EPHA10: variants seen among roughly 807,000 people sequenced by gnomAD.
EPHA10 encodes the protein EPH receptor A10.
Under a neutral mutation model 109.7 loss-of-function variants are expected in EPHA10, and 120 were observed. The ratio of observed to expected loss-of-function variants is 1.09; its 90% CI spans 0.94 to 1.27. The LOEUF (loss-of-function observed/expected upper bound fraction) is 1.27. Ranked by LOEUF, EPHA10 falls within the 50% of genes most tolerant of loss-of-function variation. The probability of loss-of-function intolerance (pLI) is 0.00; values close to 1 mark genes in which losing one functional copy is unlikely to be tolerated. For synonymous variants in EPHA10, 640 were observed against 618.9 expected, an observed-to-expected ratio of 1.03 and a Z score of -0.51; for missense variants, 1,396 against 1,411.1, an observed-to-expected ratio of 0.99 and a Z score of 0.17.
intron 11 of EPHA10, 24 bp from the exon 12 acceptor site, chr1:37,720,868 C>G (rs1645781444): frequency 6.8e-6 from 11 of 1,613,386 alleles, no homozygotes; most frequent in Non-Finnish European, 8.5e-6. Flanking sequence ...TGGGAACACA[C>G]ATGCTAAGTT....
chr1:37,728,201 C>A (rs746068705), intron 7 of EPHA10, among the ~76,000 whole-genome samples: 1 of 152,136 alleles, frequency 6.6e-6, no homozygotes, highest in Non-Finnish European at 1.5e-5. Context: ...GGGAAACAGA[C>A]TGCATGAAGG....
chr1:37,723,936 CCGG>C (rs1645845306), intron 8 of EPHA10, among the ~76,000 whole-genome samples: 1 of 152,244 alleles, frequency 6.6e-6, no homozygotes, highest in Admixed American at 6.5e-5. Flanking sequence ...AAGCCACAGG[CCGG>C]TACTTGGGGC....
chr1:37,762,842 G>A lies in EPHA10; in HGVS notation c.114C>T (p.Leu38=), dbSNP rs1482950314. 1.3e-6 allele frequency: 2 copies of A among 1,552,472 alleles called. No homozygotes were observed. Among genetic ancestry groups the A allele is most frequent in the Non-Finnish European group, 1.7e-6 (2 of 1,147,310 alleles). ...WRPGTAEEVI[L]LDSKASQAEL... ...CGGCCTGGGAGGCTTTGGAATCCAG[G>A]AGGATAACTAAGGAGAGGGGAAGAC... Residue 38 remains leucine, a synonymous_variant, in exon 2 of 17, where the codon CTC becomes CTT. Transcript: ENST00000373048.
Position 37,721,683 on chromosome 1 carries a change from C to T in EPHA10, c.2123G>A (p.Arg708Gln), listed in dbSNP as rs765090396. Residue 708 changes from arginine (R) to glutamine (Q), a missense_variant, in exon 11 of 17, where the codon CGG becomes CAG. Arg to Gln is a conservative substitution (Grantham distance 43). Coordinates refer to ENST00000373048, the MANE Select transcript of EPHA10 (RefSeq NM_001099439.2). Reference sequence around the variant, plus strand: ...ACCTCGGGTAACAACGCCCTCCAGCCGCACGATGTGGCTATGGTCAAACTG... The same window carrying T: ...ACCTCGGGTAACAACGCCCTCCAGCTGCACGATGTGGCTATGGTCAAACTG... ...LGQFDHSHIVRLEGVVTRGST... is the reference protein window; with the variant it reads ...LGQFDHSHIVQLEGVVTRGST... 5.6e-6 allele frequency: 9 copies of T among 1,608,902 alleles called. No homozygotes were observed. The highest frequency in any genetic ancestry group is 6.8e-6 in the Non-Finnish European group (8 of 1,178,024).
In EPHA10 at chr1:37,716,668, C is replaced by A; in HGVS notation, c.*1704G>T. ...CTGGGTGCTCTGCAAAGAGGCACTG[C>A]ACCTTCCCGCCTCTGGGCTCTTTCT... On this transcript the variant is annotated 3_prime_UTR_variant, in exon 17 of 17. Coordinates refer to ENST00000373048, the MANE Select transcript of EPHA10 (RefSeq NM_001099439.2). 4.3e-6 allele frequency: 1 copy of A among 232,760 alleles called. No homozygotes were observed. Among genetic ancestry groups the A allele is most frequent in the Non-Finnish European group, 8.5e-6 (1 of 117,790 alleles). The allele number at this position is 232,760 out of a possible 1,614,324, so 14.4% of individuals were successfully genotyped here.
Position 37,716,015 on chromosome 1 carries a change from G to A in EPHA10, c.*2357C>T. ...TTATTATCCTGCATAGAGAACCCAAGAAATATAAAAACATCTCCAGAAGGA... is the reference window on the plus strand; with the variant it reads ...TTATTATCCTGCATAGAGAACCCAAAAAATATAAAAACATCTCCAGAAGGA... On this transcript the variant is annotated 3_prime_UTR_variant, in exon 17 of 17. Coordinates refer to ENST00000373048, the MANE Select transcript of EPHA10 (RefSeq NM_001099439.2). The A allele has an allele frequency of 1.7e-6, 1 of 581,658 alleles. No individual in the cohort carries two copies. The highest frequency in any genetic ancestry group is 1.4e-5 in the South Asian group (1 of 69,374). The allele number at this position is 581,658 out of a possible 1,614,324, so 36.0% of individuals were successfully genotyped here.
In EPHA10 at chr1:37,754,330, G is replaced by A; in HGVS notation, c.891C>T (p.Pro297=). The A allele has an allele frequency of 7.6e-7, 1 of 1,312,344 alleles. No individual in the cohort carries two copies. Among genetic ancestry groups the A allele is most frequent in the Non-Finnish European group, 9.8e-7 (1 of 1,024,734 alleles). 81.3% of individuals were successfully genotyped at this position (1,312,344 alleles called of 1,614,324 possible). A position where few individuals can be genotyped will look rare whatever the true frequency, so the allele number is the denominator to read the frequency against. The part of the protein sequence containing the change: ...PGFYKVSPRR[P]LCSPCPEHSR... ...TGTGCTCTGGGCACGGTGAGCAGAGGGGCCGCCGCGGGGACACCTTGTAAA... is the reference window on the plus strand; with the variant it reads ...TGTGCTCTGGGCACGGTGAGCAGAGAGGCCGCCGCGGGGACACCTTGTAAA... The change falls in exon 4 of 17, where the codon CCC becomes CCT. Residue 297 remains proline (P), a synonymous_variant. Coordinates refer to ENST00000373048, the MANE Select transcript of EPHA10 (RefSeq NM_001099439.2). This position sits in a 1 kb window ranked among gnomAD's most constrained non-coding sequence, Gnocchi z 4.5.
At chr1:37,757,850 G>A (rs1452396412) in intron 3 of EPHA10, among the ~76,000 whole-genome samples, 1 of 152,112 alleles carries the variant, frequency 6.6e-6, no homozygotes, top group African/African-American at 2.4e-5. Context: ...CACCTTATAG[G>A]GAGAAGGGAA....
intron 7 of EPHA10, among the ~76,000 whole-genome samples, chr1:37,728,072 A>G (rs115618549): frequency 4.6e-5 from 7 of 152,322 alleles, no homozygotes; most frequent in African/African-American, 1.4e-4. Context: ...CCTAAAGCCA[A>G]TGAGGAAGGC....
chr1:37,723,114 C>A lies in EPHA10; in HGVS notation c.1887G>T (p.Leu629=). Residue 629 remains leucine (L), a synonymous_variant, in exon 10 of 17, where the codon CTG becomes CTT. Coordinates refer to ENST00000373048, the MANE Select transcript of EPHA10 (RefSeq NM_001099439.2). ...TGGCGAACAGATGCACAGCCTGCAG[C>A]AGGTCCCCACAGCTCTGGGGGTCCA... ...TFLDPQSCGD[L]LQAVHLFAKE... 5 of 1,614,184 alleles carry A rather than the reference C, an allele frequency of 3.1e-6. No individual in the cohort carries two copies. Among genetic ancestry groups the A allele is most frequent in the Non-Finnish European group, 4.2e-6 (5 of 1,180,032 alleles).
At chr1:37,718,542 A>T (rs924072378) in intron 16 of EPHA10, 56 bp from the exon 17 acceptor site, 2 of 1,610,664 alleles carry the variant, frequency 1.2e-6, no homozygotes, top group Non-Finnish European at 1.7e-6. Context: ...TGCTCCTCCC[A>T]TGAAGGCCCT....
chr1:37,743,185 G>GA lies in EPHA10; in HGVS notation c.1358-7796dup, dbSNP rs554658408. ...AGAAAATACCAGAAATTGGGTATAT[G>GA]AAAAAATATTTCAGAATAAGAGAAT... On this transcript the variant is annotated intron_variant, in intron 5 of 16. Coordinates refer to ENST00000373048, the MANE Select transcript of EPHA10 (RefSeq NM_001099439.2). Among the ~76,000 whole-genome samples the GA allele has an allele frequency of 4.4e-4, 67 of 152,146 alleles. 1 individual carries two copies. The East Asian group carries it at 0.012, about 28-fold the overall frequency.
chr1:37,748,229 G>T (rs1423266364), intron 5 of EPHA10, among the ~76,000 whole-genome samples: 1 of 151,796 alleles, frequency 6.6e-6, no homozygotes, highest in African/African-American at 2.4e-5. Flanking sequence ...CGTGGTGGTG[G>T]TTGCCTATAA....
At chr1:37,727,002 C>G in intron 8 of EPHA10, 100 bp downstream of exon 8, 1 of 891,120 alleles carries the variant, frequency 1.1e-6, no homozygotes, top group East Asian at 2.9e-5. Flanking sequence ...AGGTGCAAAT[C>G]TGCGTGTGTG....
chr1:37,761,906 C>A lies in EPHA10; in HGVS notation c.349G>T (p.Gly117Cys). The A allele has an allele frequency of 6.2e-7, 1 of 1,612,326 alleles. No individual in the cohort carries two copies. Among genetic ancestry groups the A allele is most frequent in the South Asian group, 1.1e-5 (1 of 90,924 alleles). ...FTLRDCSSIP[G>C]AAGTCKETFN... ...GTCTCCTTGCAGGTACCCGCGGCGC[C>A]AGGGATGCTGCTGCAGTCACGGAGT... Residue 117 changes from glycine to cysteine, a missense_variant, in exon 3 of 17, where the codon GGC (glycine) becomes TGC (cysteine). Gly to Cys is a radical substitution (Grantham distance 159). Coordinates refer to ENST00000373048, the MANE Select transcript of EPHA10 (RefSeq NM_001099439.2).
At chr1:37,742,706 C>A (rs1225882889) in intron 5 of EPHA10, among the ~76,000 whole-genome samples, 5 of 68,498 alleles carry the variant, frequency 7.3e-5, no homozygotes, top group African/African-American at 8.9e-5. Flanking sequence ...TCAGTTAGGG[C>A]CCAGCACTGT....
intron 5 of EPHA10, among the ~76,000 whole-genome samples, chr1:37,750,143 T>G (rs1284425733): frequency 6.6e-6 from 1 of 150,652 alleles, no homozygotes; most frequent in African/African-American, 2.4e-5. Flanking sequence ...TAGTTGTTTT[T>G]ATCTATGTAA....
intron 7 of EPHA10, 123 bp from the exon 8 acceptor site, chr1:37,727,333 T>A: frequency 2.8e-6 from 2 of 716,770 alleles, no homozygotes; most frequent in African/African-American, 1.9e-5. Flanking sequence ...TGGCACTGCC[T>A]CCCAGCCACA....
Position 37,753,820 on chromosome 1 carries a change from G to T in EPHA10, c.1006+395C>A, listed in dbSNP as rs1646367072. On this transcript the variant is annotated intron_variant, in intron 4 of 16. Transcript: ENST00000373048. Reference sequence around the variant, plus strand: ...TGAGAGTGGCGGGGCAGTTGGTGAGGATTTGGGAGGAGGTTAGTGAGGAAC... The same window carrying T: ...TGAGAGTGGCGGGGCAGTTGGTGAGTATTTGGGAGGAGGTTAGTGAGGAAC... 2.0e-5 allele frequency among the ~76,000 whole-genome samples: 3 copies of T among 152,080 alleles called. No individual in the cohort carries two copies. The South Asian group carries it at 6.2e-4, about 32-fold the overall frequency.
Sources: allele counts gnomAD v4.1 joint callset (sites outside exome capture counted in the v4.1 genomes callset), GRCh38; gene constraint gnomAD v4.1.1; non-coding constraint Gnocchi (gnomAD v3.1); transcripts MANE v1.5; gene names NCBI Gene and HGNC (gene_info 2026-07-23, HGNC 2026-07-21).